Variants in TUBB6 observed in about 807,000 individuals in gnomAD.
TUBB6 encodes the protein tubulin beta-6 chain.
Under a neutral mutation model 32.3 loss-of-function variants are expected in TUBB6, and 18 were observed. The observed-to-expected ratio is 0.56, with a 90% CI of 0.39 to 0.83. The LOEUF is 0.83. TUBB6 is among the 40% of genes least tolerant of loss of function. The pLI is 0.00. For synonymous variants in TUBB6, 280 were observed against 265.8 expected, an observed-to-expected ratio of 1.05 and a Z score of -0.52; for missense variants, 480 against 632.0, an observed-to-expected ratio of 0.76 and a Z score of 2.58.
Position 12,319,701 on chromosome 18 carries a change from C to G in TUBB6, c.278-5366C>G, listed in dbSNP as rs529778828. Among the ~76,000 whole-genome samples, 126 of 152,296 alleles carry G rather than the reference C, an allele frequency of 8.3e-4. 1 individual carries two copies. In the South Asian group the frequency reaches 9.3e-3, roughly 11 times the overall value. ...GGGCTCAGGCGTTCACACCTGCCAT[C>G]CCAGCACTTTGGGAGGCCAAGACAG... On this transcript the variant is annotated intron_variant, in intron 3 of 3. Coordinates refer to ENST00000317702, the MANE Select transcript of TUBB6 (RefSeq NM_032525.3).
intron 3 of TUBB6, 146 bp downstream of exon 3, chr18:12,311,199 T>G: frequency 1.5e-6 from 1 of 666,258 alleles, no homozygotes; most frequent in South Asian, 1.8e-5. Flanking sequence ...CATCCCTAGC[T>G]GGGTTCATCA....
At chr18:12,324,769 T>A in intron 3 of TUBB6, 1 of 1,274,192 alleles carries the variant, frequency 7.8e-7, no homozygotes, top group Non-Finnish European at 9.9e-7. Context: ...ATTTTTTTAA[T>A]GTATACCTTT....
intron 1 of TUBB6, 60 bp from the exon 2 acceptor site, chr18:12,308,627 G>A (rs1906149593): frequency 7.8e-7 from 1 of 1,273,906 alleles, no homozygotes; most frequent in East Asian, 2.4e-5. Flanking sequence ...GTGGGCGCGG[G>A]TGGCGGCGTC....
At position 12,323,331 on chromosome 18, in the gene TUBB6, T is replaced by C. The variant is rs186269520; in HGVS notation, c.278-1736T>C. On this transcript the variant is annotated intron_variant, in intron 3 of 3. Coordinates refer to ENST00000317702, the MANE Select transcript of TUBB6 (RefSeq NM_032525.3). ...AGTTCCTCCCACTCCTACGTGCATC[T>C]GTTCATATGGACATACAAACCTGTG... Among the ~76,000 whole-genome samples, 222 of 152,354 alleles carry C rather than the reference T, an allele frequency of 1.5e-3. 5 individuals are homozygous for C. The highest frequency in any genetic ancestry group is 0.012 in the Admixed American group (176 of 15,290).
At chr18:12,312,350 T>A (rs2144132677) in intron 3 of TUBB6, among the ~76,000 whole-genome samples, 1 of 152,318 alleles carries the variant, frequency 6.6e-6, no homozygotes, top group Middle Eastern at 3.4e-3. Flanking sequence ...CAAGTAAGAC[T>A]GAGAGGCAGA....
chr18:12,328,630 C>T (rs550602486), downstream of TUBB6, among the ~76,000 whole-genome samples: 2 of 152,340 alleles, frequency 1.3e-5, no homozygotes, highest in Admixed American at 6.5e-5. Context: ...AGGCCCGCTA[C>T]AGTTATACGT....
At position 12,326,372 on chromosome 18, in the gene TUBB6, A is replaced by T; in HGVS notation, c.*242A>T. On this transcript the variant is annotated 3_prime_UTR_variant, in exon 4 of 4. Coordinates refer to ENST00000317702, the MANE Select transcript of TUBB6 (RefSeq NM_032525.3). ...GAGACTTTCTACTAGAGGACTTGAA[A>T]GAGAACTGAGGGGCCACAAAATAAA... 1.9e-6 allele frequency: 1 copy of T among 538,288 alleles called. No individual in the cohort carries two copies. Among genetic ancestry groups the T allele is most frequent in the Non-Finnish European group, 3.1e-6 (1 of 317,728 alleles). 33.3% of individuals were successfully genotyped at this position (538,288 alleles called of 1,614,324 possible). A position where few individuals can be genotyped will look rare whatever the true frequency, so the allele number is the denominator to read the frequency against.
At position 12,323,373 on chromosome 18, in the gene TUBB6, G is replaced by GA. The variant is rs568747550; in HGVS notation, c.278-1687dup. On this transcript the variant is annotated intron_variant, in intron 3 of 3. Transcript: ENST00000317702. The stretch of plus-strand genomic sequence containing the variant: ...AAACCTGTGTAATTTTTACAGCTGG[G>GA]AAAAAAATGCTTCTGCTAGTGAAAT... Among the ~76,000 whole-genome samples, 102 of 151,936 alleles carry GA rather than the reference G, an allele frequency of 6.7e-4. 1 individual carries two copies. The highest frequency in any genetic ancestry group is 2.4e-3 in the African/African-American group (99 of 41,456).
rs1272232615 is a variant in TUBB6, at chr18:12,314,493, C to T, written c.277+3440C>T. Among the ~76,000 whole-genome samples, 7 of 152,006 alleles carry T rather than the reference C, an allele frequency of 4.6e-5. No individual in the cohort carries two copies. In the East Asian group the frequency reaches 1.4e-3, roughly 29 times the overall value. On this transcript the variant is annotated intron_variant, in intron 3 of 3. Coordinates refer to ENST00000317702, the MANE Select transcript of TUBB6 (RefSeq NM_032525.3). Reference sequence around the variant, plus strand: ...CTAATACACCTTTTAGAAATCACACCTCTTCTTTGATAGGCAGTGTGTGCA... The same window carrying T: ...CTAATACACCTTTTAGAAATCACACTTCTTCTTTGATAGGCAGTGTGTGCA...
intron 3 of TUBB6, among the ~76,000 whole-genome samples, chr18:12,319,796 TTC>T (rs1054251454): frequency 1.3e-5 from 2 of 152,064 alleles, no homozygotes; most frequent in Non-Finnish European, 2.9e-5. Context: ...TACAAAATTT[TTC>T]TTTTTTTTGA....
intron 3 of TUBB6, among the ~76,000 whole-genome samples, chr18:12,315,614 T>C (rs547267877): frequency 2.8e-4 from 42 of 152,282 alleles, no homozygotes; most frequent in African/African-American, 1.0e-3. Context: ...CTGACGTAAA[T>C]TGTCAGCGTA....
chr18:12,327,190 C>T (rs72873477), downstream of TUBB6, among the ~76,000 whole-genome samples: 1,151 of 152,298 alleles, frequency 7.6e-3, 9 homozygotes, highest in South Asian at 0.028. Flanking sequence ...CGAGTGGAAG[C>T]GTCATGTGCC....
intron 3 of TUBB6, among the ~76,000 whole-genome samples, chr18:12,312,991 T>C (rs1186920240): frequency 1.3e-5 from 1 of 76,904 alleles, no homozygotes; most frequent in East Asian, 3.6e-4. Context: ...AAGAGTGAAA[T>C]TCTATCTCAA....
chr18:12,317,425 G>A (rs181478845), intron 3 of TUBB6, among the ~76,000 whole-genome samples: 189 of 152,034 alleles, frequency 1.2e-3, no homozygotes, highest in African/African-American at 4.2e-3. Flanking sequence ...CGGTGTTTGC[G>A]CCACTGCACT....
intron 3 of TUBB6, among the ~76,000 whole-genome samples, chr18:12,321,191 G>T (rs1906968960): frequency 6.6e-6 from 1 of 152,162 alleles, no homozygotes; most frequent in African/African-American, 2.4e-5. Context: ...GATATTGAAG[G>T]AGGGTATCCT....
At chr18:12,308,633 G>T in intron 1 of TUBB6, 54 bp from the exon 2 acceptor site, 5 of 1,307,772 alleles carry the variant, frequency 3.8e-6, no homozygotes, top group Non-Finnish European at 5.5e-6. Flanking sequence ...GCGGGTGGCG[G>T]CGTCCCGGGC....
chr18:12,313,163 C>T (rs1417387141), intron 3 of TUBB6, among the ~76,000 whole-genome samples: 1 of 149,636 alleles, frequency 6.7e-6, no homozygotes, highest in African/African-American at 2.5e-5. Context: ...GAAGCATTTC[C>T]AGCAGAATTA....
At chr18:12,318,925 C>CA (rs936797226) in intron 3 of TUBB6, among the ~76,000 whole-genome samples, 25 of 151,140 alleles carry the variant, frequency 1.7e-4, no homozygotes, top group Non-Finnish European at 2.5e-4. Flanking sequence ...TGGTCTTATA[C>CA]AAAAAAAAGT....
At chr18:12,323,469 T>G (rs1384964083) in intron 3 of TUBB6, among the ~76,000 whole-genome samples, 1 of 152,132 alleles carries the variant, frequency 6.6e-6, no homozygotes, top group Non-Finnish European at 1.5e-5. Flanking sequence ...CAGATTCAAT[T>G]TTTTTTAGGT....
Sources: allele counts gnomAD v4.1 joint callset (sites outside exome capture counted in the v4.1 genomes callset), GRCh38; gene constraint gnomAD v4.1.1; transcripts MANE v1.5; gene names NCBI Gene and HGNC (gene_info 2026-07-23, HGNC 2026-07-21).